Variants in RIMBP2 observed in about 807,000 individuals in gnomAD.
RIMBP2 encodes RIMS binding protein 2.
Under a neutral mutation model 118.6 loss-of-function variants are expected in RIMBP2, and 48 were observed. The ratio of observed to expected loss-of-function variants is 0.40; its 90% CI spans 0.32 to 0.51. The LOEUF is 0.51. Ranked by LOEUF, RIMBP2 falls within the 20% of genes least tolerant of loss-of-function variation. The pLI is 0.41. For missense variants in RIMBP2, 1,551 were observed against 1,768.3 expected (o/e 0.88, Z 2.20); for synonymous variants, 762 against 742.9 (o/e 1.03, Z -0.42).
At chr12:130,432,055 G>A (rs570027310) in intron 14 of RIMBP2, 19 of 334,674 alleles carry the variant, frequency 5.7e-5, no homozygotes, top group African/African-American at 1.5e-4. Context: ...ATAAGACAGC[G>A]CTGAATGCCG....
chr12:130,621,546 T>G lies in RIMBP2; in HGVS notation c.-217+6776A>C, dbSNP rs1217903276. ...TAGTTTGAGCTGGTTCTCTGTCATCTGAAATCTGAAGATCGCGACACACAT... is the reference window on the plus strand; with the variant it reads ...TAGTTTGAGCTGGTTCTCTGTCATCGGAAATCTGAAGATCGCGACACACAT... On this transcript the variant is annotated intron_variant, in intron 2 of 22. Transcript: ENST00000690449. This position sits in a 1 kb window ranked among gnomAD's most constrained non-coding sequence, Gnocchi z 6.6. Among the ~76,000 whole-genome samples, 5 of 152,194 alleles carry G rather than the reference T, an allele frequency of 3.3e-5. No individual in the cohort carries two copies. Among genetic ancestry groups the G allele is most frequent in the Non-Finnish European group, 7.3e-5 (5 of 68,042 alleles).
rs537022939 is a variant in RIMBP2 at position 130,630,356 on chromosome 12, T to C, written c.-351-1900A>G. Among the ~76,000 whole-genome samples, 43 of 151,788 alleles carry C rather than the reference T, an allele frequency of 2.8e-4. 1 individual carries two copies. Among genetic ancestry groups the C allele is most frequent in the African/African-American group, 9.6e-4 (40 of 41,510 alleles). On this transcript the variant is annotated intron_variant, in intron 1 of 22. Transcript: ENST00000690449. Reference sequence around the variant, plus strand: ...ATTAATATAAAAAATATAAAAAGCATGCTACACATAAACTCTTGGGGAATT... The same window carrying C: ...ATTAATATAAAAAATATAAAAAGCACGCTACACATAAACTCTTGGGGAATT...
At chr12:130,476,045 G>C (rs769286443) in intron 5 of RIMBP2, among the ~76,000 whole-genome samples, 12 of 152,232 alleles carry the variant, frequency 7.9e-5, no homozygotes, top group East Asian at 2.0e-4. Flanking sequence ...AGTGAGTATA[G>C]ACTGAGAAGG....
intron 2 of RIMBP2, among the ~76,000 whole-genome samples, chr12:130,571,285 CA>C (rs1219645477): frequency 1.3e-5 from 2 of 152,050 alleles, no homozygotes; most frequent in Non-Finnish European, 2.9e-5. Context: ...TGGGTCCCCG[CA>C]AGGGGAACCA....
intron 2 of RIMBP2, among the ~76,000 whole-genome samples, chr12:130,569,487 G>A (rs551246173): frequency 1.4e-4 from 22 of 152,314 alleles, no homozygotes; most frequent in Non-Finnish European, 2.8e-4. Flanking sequence ...ACAAATACCT[G>A]TCTACATAAA....
In RIMBP2 at chr12:130,710,630, G is replaced by A. The variant is rs1949846751; in HGVS notation, c.-352+5592C>T. 6.6e-6 allele frequency among the ~76,000 whole-genome samples: 1 copy of A among 152,116 alleles called. No homozygotes were observed. On this transcript the variant is annotated intron_variant, in intron 1 of 22. Coordinates refer to ENST00000690449, the MANE Select transcript of RIMBP2 (RefSeq NM_001393629.1). The surrounding 1 kb of genome is among the most constrained non-coding windows in gnomAD (Gnocchi z 4.3). ...CTGGGTCCCACACAGATAGAGAAGT[G>A]GCAGGTGCTGCACCTCCCCCGCCCC... is the stretch of plus-strand genomic sequence containing the variant.
chr12:130,561,864 A>G (rs1217557405), intron 2 of RIMBP2, among the ~76,000 whole-genome samples: 1 of 152,186 alleles, frequency 6.6e-6, no homozygotes, highest in Non-Finnish European at 1.5e-5. Flanking sequence ...AGATCTTTTC[A>G]TTCTCCAGAG....
rs991228700 is a variant in RIMBP2, at chr12:130,511,822, G to A, written c.-126-5052C>T. Among the ~76,000 whole-genome samples, 2 of 152,060 alleles carry A rather than the reference G, an allele frequency of 1.3e-5. No homozygotes were observed. The highest frequency in any genetic ancestry group is 1.9e-4 in the East Asian group (1 of 5,144). On this transcript the variant is annotated intron_variant, in intron 3 of 22. Coordinates refer to ENST00000690449, the MANE Select transcript of RIMBP2 (RefSeq NM_001393629.1). The surrounding 1 kb of genome is among the most constrained non-coding windows in gnomAD (Gnocchi z 4.3). ...TTCGAGATGGAATACCACCTGTCTCGGTGTCAAGGAAGCCACCCTCCACAC... is the reference window on the plus strand; with the variant it reads ...TTCGAGATGGAATACCACCTGTCTCAGTGTCAAGGAAGCCACCCTCCACAC...
chr12:130,437,168 C>G lies in RIMBP2; in HGVS notation c.1780G>C (p.Ala594Pro), dbSNP rs768403704. 6.9e-6 allele frequency: 11 copies of G among 1,589,074 alleles called. No homozygotes were observed. The Admixed American group carries it at 2.0e-4, about 28-fold the overall frequency. ...AGCTCGGGGGGAACGGCAGCAACTG[C>G]AGAGTCCACGGACTCGCCCTGGGCG... ...LSAQGESVDS[A>P]VAAVPPELLV... The change falls in exon 13 of 23, where the codon GCA becomes CCA. Residue 594 changes from alanine (A) to proline (P), a missense_variant. Physicochemically the swap from Ala to Pro is conservative, Grantham distance 27. This residue lies in a region of RIMBP2 where 1,038 missense variants were observed against 1,125.1 expected (regional missense o/e 0.92). Coordinates refer to ENST00000690449, the MANE Select transcript of RIMBP2 (RefSeq NM_001393629.1).
At chr12:130,563,931 A>T (rs2057006580) in intron 2 of RIMBP2, among the ~76,000 whole-genome samples, 1 of 150,546 alleles carries the variant, frequency 6.6e-6, no homozygotes, top group Non-Finnish European at 1.5e-5. Flanking sequence ...GGCTCTACAT[A>T]ACCTGGCTTC....
intron 2 of RIMBP2, among the ~76,000 whole-genome samples, chr12:130,560,692 TA>T (rs2056752016): frequency 6.6e-6 from 1 of 152,200 alleles, no homozygotes; most frequent in Non-Finnish European, 1.5e-5. Flanking sequence ...GCATGTGTCT[TA>T]ACCAAATGGA....
At chr12:130,570,334 G>A (rs1213049840) in intron 2 of RIMBP2, among the ~76,000 whole-genome samples, 2 of 152,166 alleles carry the variant, frequency 1.3e-5, no homozygotes, top group Non-Finnish European at 2.9e-5. Flanking sequence ...GCTGAGGTGG[G>A]AGGATAGATT....
chr12:130,416,951 T>TA lies in RIMBP2; in HGVS notation c.3239-2646dup, dbSNP rs1291981121. On this transcript the variant is annotated intron_variant, in intron 17 of 22. Coordinates refer to ENST00000690449, the MANE Select transcript of RIMBP2 (RefSeq NM_001393629.1). ...ATACAAGCAGATAATAAAATATAAATAAAAAATATATTTAAAAAATGTATA... is the reference window on the plus strand; with the variant it reads ...ATACAAGCAGATAATAAAATATAAATAAAAAAATATATTTAAAAAATGTATA... Among the ~76,000 whole-genome samples, 3 of 151,332 alleles carry TA rather than the reference T, an allele frequency of 2.0e-5. No homozygotes were observed. The East Asian group carries it at 5.8e-4, about 29-fold the overall frequency.
chr12:130,487,204 A>G (rs981806835), intron 4 of RIMBP2, among the ~76,000 whole-genome samples: 1 of 152,184 alleles, frequency 6.6e-6, no homozygotes, highest in Non-Finnish European at 1.5e-5. Flanking sequence ...TTGTCCCTGC[A>G]TCACCACGTG....
chr12:130,495,436 C>G (rs1593523883), intron 4 of RIMBP2, among the ~76,000 whole-genome samples: 1 of 40,450 alleles, frequency 2.5e-5, no homozygotes, highest in East Asian at 0.029. Flanking sequence ...TGAAGTGTCA[C>G]CCCCTAACAG....
intron 2 of RIMBP2, among the ~76,000 whole-genome samples, chr12:130,602,526 C>G (rs777883973): frequency 3.3e-5 from 5 of 152,232 alleles, no homozygotes; most frequent in Non-Finnish European, 7.3e-5. Flanking sequence ...TGTGGCAGCG[C>G]TGGGAGCTGC....
At chr12:130,441,358 A>G (rs2078106604) in intron 11 of RIMBP2, among the ~76,000 whole-genome samples, 5 of 151,082 alleles carry the variant, frequency 3.3e-5, no homozygotes, top group Middle Eastern at 3.4e-3. Flanking sequence ...CTGAGATTGC[A>G]CCACTGCACT....
At chr12:130,506,917 C>CA (rs2050415180) in intron 3 of RIMBP2, 147 bp from the exon 4 acceptor site, 9 of 544,508 alleles carry the variant, frequency 1.7e-5, no homozygotes, top group Non-Finnish European at 1.9e-5. Context: ...TGGGTCCACT[C>CA]CTACTAGGGG....
At chr12:130,411,703 G>A (rs1031144241) in intron 19 of RIMBP2, among the ~76,000 whole-genome samples, 32 of 152,202 alleles carry the variant, frequency 2.1e-4, no homozygotes, top group Non-Finnish European at 4.0e-4. Context: ...AAAGTGAGTA[G>A]AGGGGATAAA....
Sources: gnomAD v4.1 joint callset for allele counts (sites outside exome capture counted in the v4.1 genomes callset) on GRCh38, gnomAD v4.1.1 for gene constraint, gnomAD v4.1.1 regional missense constraint, Gnocchi (gnomAD v3.1) non-coding constraint, MANE v1.5 for transcripts, NCBI Gene and HGNC (gene_info 2026-07-23, HGNC 2026-07-21) for gene names.